The following GRIK1 variants were observed in gnomAD, a reference collection of about 807,000 sequenced individuals.
The protein encoded by GRIK1 is glutamate ionotropic receptor kainate type subunit 1.
Under a neutral mutation model 105.7 loss-of-function variants are expected in GRIK1, and 69 were observed. The observed-to-expected ratio is 0.65, with a 90% CI of 0.54 to 0.80. GRIK1 has a LOEUF of 0.80. Ranked by LOEUF, GRIK1 falls within the 30% of genes least tolerant of loss-of-function variation. The pLI is 0.00. For missense variants in GRIK1, 1,109 were observed against 1,167.3 expected (o/e 0.95, Z 0.73); for synonymous variants, 438 against 431.3 (o/e 1.02, Z -0.19).
At chr21:29,843,500 G>A (rs1323394691) in intron 1 of GRIK1, among the ~76,000 whole-genome samples, 1 of 152,126 alleles carries the variant, frequency 6.6e-6, no homozygotes, top group African/African-American at 2.4e-5. Flanking sequence ...AACTCCAACT[G>A]TGCCAATATT....
intron 1 of GRIK1, among the ~76,000 whole-genome samples, chr21:29,884,007 A>T (rs1352015399): frequency 6.6e-6 from 1 of 152,000 alleles, no homozygotes; most frequent in Non-Finnish European, 1.5e-5. Flanking sequence ...TGCTTTATGT[A>T]ATCTATTGAT....
At chr21:29,693,140 C>T (rs2063617488) in intron 2 of GRIK1, among the ~76,000 whole-genome samples, 1 of 152,172 alleles carries the variant, frequency 6.6e-6, no homozygotes, top group Admixed American at 6.5e-5. Flanking sequence ...GATGAGTAGC[C>T]TTTGTTTCCA....
At chr21:29,541,791 A>G (rs1360736184) in intron 16 of GRIK1, among the ~76,000 whole-genome samples, 3 of 137,130 alleles carry the variant, frequency 2.2e-5, no homozygotes, top group African/African-American at 8.1e-5. Flanking sequence ...ATGTAGTTGT[A>G]GGCATTATGA....
At chr21:29,621,443 G>C (rs1435629014) in intron 7 of GRIK1, among the ~76,000 whole-genome samples, 5 of 152,012 alleles carry the variant, frequency 3.3e-5, no homozygotes, top group South Asian at 2.1e-4. Flanking sequence ...AAAACTCTTT[G>C]TTTCATTCTC....
chr21:29,753,019 C>A (rs1293688388), intron 1 of GRIK1, among the ~76,000 whole-genome samples: 1 of 152,120 alleles, frequency 6.6e-6, no homozygotes, highest in Admixed American at 6.5e-5. Flanking sequence ...AAATAATATG[C>A]ACAGCACCCT....
intron 3 of GRIK1, among the ~76,000 whole-genome samples, chr21:29,685,173 TA>T (rs759223635): frequency 6.6e-6 from 1 of 152,202 alleles, no homozygotes; most frequent in Non-Finnish European, 1.5e-5. Flanking sequence ...CAATCTTTTT[TA>T]AAAAACTATA....
chr21:29,620,604 C>T (rs1388331672), intron 7 of GRIK1, among the ~76,000 whole-genome samples: 1 of 151,150 alleles, frequency 6.6e-6, no homozygotes, highest in Non-Finnish European at 1.5e-5. Flanking sequence ...AGTTAAATCT[C>T]ACTTGTGATT....
At chr21:29,659,825 G>A (rs2062927616) in intron 4 of GRIK1, among the ~76,000 whole-genome samples, 1 of 152,056 alleles carries the variant, frequency 6.6e-6, no homozygotes, top group South Asian at 2.1e-4. Flanking sequence ...AGTCGGCAGT[G>A]GTGGTGCGTG....
At chr21:29,865,498 A>AGTAAACACAATGAAATGT (rs773910225) in intron 1 of GRIK1, among the ~76,000 whole-genome samples, 54 of 152,390 alleles carry the variant, frequency 3.5e-4, no homozygotes, top group East Asian at 7.7e-4. Flanking sequence ...GTTCTATCAC[A>AGTAAACACAATGAAATGT]GTAAACACAA....
chr21:29,760,901 T>A (rs565816838), intron 1 of GRIK1, among the ~76,000 whole-genome samples: 1 of 152,222 alleles, frequency 6.6e-6, no homozygotes. Flanking sequence ...GTAATTCAGA[T>A]GGAAAAGACT....
chr21:29,542,510 A>G (rs2089988268), intron 16 of GRIK1, among the ~76,000 whole-genome samples: 1 of 152,174 alleles, frequency 6.6e-6, no homozygotes, highest in Non-Finnish European at 1.5e-5. Flanking sequence ...GATTCAGGGG[A>G]AAATAACAAT....
intron 9 of GRIK1, chr21:29,596,324 C>G (rs898596692): frequency 2.9e-6 from 2 of 697,332 alleles, no homozygotes; most frequent in African/African-American, 3.5e-5. Flanking sequence ...ATTTAATCCA[C>G]TGCAAACCTG....
At chr21:29,886,682 A>G (rs2069641723) in intron 1 of GRIK1, among the ~76,000 whole-genome samples, 1 of 152,168 alleles carries the variant, frequency 6.6e-6, no homozygotes, top group Non-Finnish European at 1.5e-5. Flanking sequence ...CCTACTTACA[A>G]TGGATCCTTT....
rs556086020 is a variant in GRIK1 at position 29,636,903 on chromosome 21, T to C, written c.1098+5923A>G. On this transcript the variant is annotated intron_variant, in intron 7 of 17. Transcript: ENST00000327783. ...CAACTTCCAATTGTCTTTCCACATT[T>C]ACTTAAACATATTTTTCACTGCTTC... 2.0e-5 allele frequency among the ~76,000 whole-genome samples: 3 copies of C among 152,320 alleles called. No individual in the cohort carries two copies. The South Asian group carries it at 6.2e-4, about 32-fold the overall frequency.
At chr21:29,667,021 C>T (rs747958633) in intron 4 of GRIK1, among the ~76,000 whole-genome samples, 12 of 152,184 alleles carry the variant, frequency 7.9e-5, no homozygotes, top group Non-Finnish European at 1.0e-4. Context: ...TGCATTTAAG[C>T]TGCTTAGCAC....
Position 29,642,828 on chromosome 21 carries a change from C to T in GRIK1, c.1096G>A (p.Glu366Lys), listed in dbSNP as rs1434314823. ...GGCTGTGAGGGAGCATCACTTGCCT[C>T]TTTGATCAGGTTCATAAATCTGGGT... The part of the protein sequence containing the change: ...LGPRFMNLIK[E>K]ARWDGLTGHI... The change falls in exon 7 of 18, where the codon GAG becomes AAG. Residue 366 changes from glutamate to lysine, a missense_variant and splice_region_variant. Around this residue, in one of 5 missense-constraint regions of GRIK1, gnomAD observed 612 missense variants for 586.0 expected, o/e 1.04. Coordinates refer to ENST00000327783, the MANE Select transcript of GRIK1 (RefSeq NM_001330994.2). The T allele has an allele frequency of 1.2e-6, 2 of 1,614,064 alleles. No individual in the cohort carries two copies. Among genetic ancestry groups the T allele is most frequent in the East Asian group, 2.2e-5 (1 of 44,876 alleles).
intron 1 of GRIK1, among the ~76,000 whole-genome samples, chr21:29,726,602 A>G (rs73354542): frequency 0.011 from 1,736 of 152,246 alleles, 33 homozygotes; most frequent in African/African-American, 0.04. Context: ...AGCTCTCTAT[A>G]TAGTTTTATA....
At chr21:29,597,243 G>C (rs2061432612) in intron 8 of GRIK1, among the ~76,000 whole-genome samples, 1 of 152,162 alleles carries the variant, frequency 6.6e-6, no homozygotes, top group South Asian at 2.1e-4. Context: ...AGAAAGAAAA[G>C]TTATTGCAAA....
chr21:29,756,068 T>G (rs1295831153), intron 1 of GRIK1, among the ~76,000 whole-genome samples: 1 of 152,230 alleles, frequency 6.6e-6, no homozygotes, highest in Non-Finnish European at 1.5e-5. Flanking sequence ...AGGGAAATTT[T>G]TATTACGAGG....
Sources: gnomAD v4.1 joint callset for allele counts (sites outside exome capture counted in the v4.1 genomes callset) on GRCh38, gnomAD v4.1.1 for gene constraint, gnomAD v4.1.1 regional missense constraint, MANE v1.5 for transcripts, NCBI Gene and HGNC (gene_info 2026-07-23, HGNC 2026-07-21) for gene names.